ACOT6: variants seen among roughly 807,000 people sequenced by gnomAD.
The protein encoded by ACOT6 is acyl-CoA thioesterase 6.
A neutral mutation model predicts 12.3 loss-of-function variants in ACOT6; 14 were observed. That is an observed-to-expected ratio of 1.14 (90% CI 0.75 to 1.78). The LOEUF (loss-of-function observed/expected upper bound fraction) is 1.78, where lower values mean the gene tolerates loss of function less well. Among genes scored for constraint, ACOT6 ranks in the 40% most tolerant of loss-of-function variants. The pLI is 0.00. For synonymous variants in ACOT6, 218 were observed against 231.3 expected, an observed-to-expected ratio of 0.94 and a Z score of 0.52; for missense variants, 523 against 551.8, an observed-to-expected ratio of 0.95 and a Z score of 0.52.
chr14:73,612,711 G>T lies in ACOT6; in HGVS notation c.140G>T (p.Arg47Leu), dbSNP rs1437756074. ...CGCGACGAAGAGGGCGCGCTCTTCC[G>T]GGCCCACGCGCGCTACCGTGCCGAC... ...SLRDEEGALFRAHARYRADAR... is the reference protein window; with the variant it reads ...SLRDEEGALFLAHARYRADAR... Residue 47 changes from arginine (R) to leucine (L), a missense_variant, in exon 1 of 3, where the codon CGG becomes CTG. By Grantham distance (102) the Arg-to-Leu change is moderately radical. This residue lies in a region of ACOT6 where 304 missense variants were observed against 274.8 expected (regional missense o/e 1.11). Transcript: ENST00000645972. 1.4e-6 allele frequency: 2 copies of T among 1,383,986 alleles called. No homozygotes were observed. Among genetic ancestry groups the T allele is most frequent in the Middle Eastern group, 2.6e-4 (1 of 3,874 alleles). The allele number at this position is 1,383,986 out of a possible 1,614,324, so 85.7% of individuals were successfully genotyped here. A position where few individuals can be genotyped will look rare whatever the true frequency, so the allele number is the denominator to read the frequency against.
At chr14:73,616,330 A>T (rs1324383435) in intron 1 of ACOT6, among the ~76,000 whole-genome samples, 2 of 151,310 alleles carry the variant, frequency 1.3e-5, no homozygotes, top group South Asian at 2.1e-4. Context: ...TATTATTATT[A>T]TTTTTGAGAT....
chr14:73,619,888 A>G lies in ACOT6; in HGVS notation c.*49A>G, dbSNP rs1167848655. On this transcript the variant is annotated 3_prime_UTR_variant, in exon 3 of 3. Transcript: ENST00000645972. The stretch of plus-strand genomic sequence containing the variant: ...CATTAATAAAAATCCTATTCATACA[A>G]CTTGTGTTGGGTTTTCTTTCTTTCT... 1 of 1,490,250 alleles carries G rather than the reference A, an allele frequency of 6.7e-7. No individual in the cohort carries two copies. The highest frequency in any genetic ancestry group is 1.4e-5 in the African/African-American group (1 of 70,606). The allele number at this position is 1,490,250 out of a possible 1,614,324, so 92.3% of individuals were successfully genotyped here.
chr14:73,612,917 C>T lies in ACOT6; in HGVS notation c.346C>T (p.Pro116Ser). The T allele has an allele frequency of 2.2e-6, 3 of 1,353,650 alleles. No homozygotes were observed. The highest frequency in any genetic ancestry group is 2.0e-6 in the Non-Finnish European group (2 of 1,013,642). 83.9% of individuals were successfully genotyped at this position (1,353,650 alleles called of 1,614,324 possible). ...AGTGCTGGACGGCCACGACACCGAG[C>T]CCGGGCGGCTGCTGTGCCTGGCGCA... Reference protein sequence around the residue: ...LEVLDGHDTEPGRLLCLAQNK... With the variant: ...LEVLDGHDTESGRLLCLAQNK... The change falls in exon 1 of 3, where the codon CCC becomes TCC. Residue 116 changes from proline to serine, a missense_variant. Around this residue, in one of 2 missense-constraint regions of ACOT6, gnomAD observed 304 missense variants for 274.8 expected, o/e 1.11. Coordinates refer to ENST00000645972, the MANE Select transcript of ACOT6 (RefSeq NM_001365788.1).
Position 73,612,992 on chromosome 14 carries a change from G to T in ACOT6, c.421G>T (p.Ala141Ser), listed in dbSNP as rs538451558. The T allele has an allele frequency of 1.9e-6, 2 of 1,056,478 alleles. No individual in the cohort carries two copies. The highest frequency in any genetic ancestry group is 1.9e-5 in the South Asian group (1 of 53,544). The allele number at this position is 1,056,478 out of a possible 1,614,324, so 65.4% of individuals were successfully genotyped here. The change falls in exon 1 of 3, where the codon GCG becomes TCG. Residue 141 changes from alanine to serine, a missense_variant. Ala to Ser is a moderately conservative substitution (Grantham distance 99, BLOSUM62 1). Transcript: ENST00000645972. ...RPGVRREPVR[A>S]GPVRAALFLP... ...GGGGGTGCGGCGCGAGCCGGTGCGC[G>T]CGGGCCCGGTGCGCGCCGCGCTCTT...
At chr14:73,616,051 G>A (rs942760790) in intron 1 of ACOT6, among the ~76,000 whole-genome samples, 4 of 151,754 alleles carry the variant, frequency 2.6e-5, no homozygotes, top group African/African-American at 9.7e-5. Context: ...ACCACAAACT[G>A]GAACTCTTGG....
At chr14:73,618,863 G>A (rs754350529) in intron 2 of ACOT6, among the ~76,000 whole-genome samples, 10 of 152,204 alleles carry the variant, frequency 6.6e-5, no homozygotes, top group Non-Finnish European at 1.3e-4. Context: ...GGGCACGGTG[G>A]CTCATGCCTA....
chr14:73,619,107 G>A (rs1566871544), intron 2 of ACOT6, 127 bp from the exon 3 acceptor site: 4 of 1,248,616 alleles, frequency 3.2e-6, no homozygotes, highest in East Asian at 2.5e-5. Context: ...TCCAGCCTGG[G>A]TGACAGAGCG....
At chr14:73,615,676 T>C (rs1453705287) in intron 1 of ACOT6, among the ~76,000 whole-genome samples, 1 of 151,934 alleles carries the variant, frequency 6.6e-6, no homozygotes, top group Non-Finnish European at 1.5e-5. Context: ...GAGGTTGCAG[T>C]GAGCCGAGAT....
chr14:73,612,620 G>C lies in ACOT6; in HGVS notation c.49G>C (p.Glu17Gln). 7.1e-7 allele frequency: 1 copy of C among 1,415,304 alleles called. No homozygotes were observed. 87.7% of individuals were successfully genotyped at this position (1,415,304 alleles called of 1,614,324 possible). A position where few individuals can be genotyped will look rare whatever the true frequency, so the allele number is the denominator to read the frequency against. ...LEPAGRCCWDEPLRIAVRGLA... is the reference protein window; with the variant it reads ...LEPAGRCCWDQPLRIAVRGLA... ...GCCCGCGGGCCGCTGCTGCTGGGAC[G>C]AGCCGCTGCGCATCGCAGTGCGCGG... The change falls in exon 1 of 3, where the codon GAG becomes CAG. Residue 17 changes from glutamate to glutamine, a missense_variant. Glu to Gln is a conservative substitution (Grantham distance 29). Transcript: ENST00000645972.
chr14:73,612,518 G>T lies in ACOT6; in HGVS notation c.-54G>T, dbSNP rs1890460025. On this transcript the variant is annotated 5_prime_UTR_variant, in exon 1 of 3. In the 5' UTR this introduces an upstream ATG that the reference lacks. Transcript: ENST00000645972. The stretch of plus-strand genomic sequence containing the variant: ...TTTCCAGCGCTCGGCAAAGCCGCCA[G>T]GCCCGCCCACTGACTCCGCGGAGCT... 1 of 1,163,610 alleles carries T rather than the reference G, an allele frequency of 8.6e-7. No homozygotes were observed. The highest frequency in any genetic ancestry group is 2.4e-5 in the South Asian group (1 of 42,452). 72.1% of individuals were successfully genotyped at this position (1,163,610 alleles called of 1,614,324 possible). A position where few individuals can be genotyped will look rare whatever the true frequency, so the allele number is the denominator to read the frequency against.
chr14:73,614,343 C>T (rs1890497976), intron 1 of ACOT6, among the ~76,000 whole-genome samples: 1 of 152,152 alleles, frequency 6.6e-6, no homozygotes, highest in Non-Finnish European at 1.5e-5. Context: ...CTCGTGGCTG[C>T]CCACTGTACT....
At chr14:73,618,143 CA>C (rs1238047364) in intron 2 of ACOT6, among the ~76,000 whole-genome samples, 4 of 150,008 alleles carry the variant, frequency 2.7e-5, no homozygotes, top group Non-Finnish European at 4.4e-5. Flanking sequence ...AACCCCATCT[CA>C]AAAAAAAACC....
chr14:73,615,440 A>G (rs979875559), intron 1 of ACOT6, among the ~76,000 whole-genome samples: 1 of 150,608 alleles, frequency 6.6e-6, no homozygotes, highest in African/African-American at 2.4e-5. Flanking sequence ...ACAACGAAAA[A>G]AAAAACAAGA....
chr14:73,614,201 AAAC>A (rs61419847), intron 1 of ACOT6, among the ~76,000 whole-genome samples: 14 of 151,890 alleles, frequency 9.2e-5, no homozygotes, highest in East Asian at 7.7e-4. Flanking sequence ...ACCCTGCCTC[AAAC>A]AACAACAACA....
In ACOT6 at chr14:73,612,879, C is replaced by T; in HGVS notation, c.308C>T (p.Ala103Val). The T allele has an allele frequency of 7.2e-7, 1 of 1,397,894 alleles. No individual in the cohort carries two copies. The highest frequency in any genetic ancestry group is 1.3e-5 in the South Asian group (1 of 74,668). The allele number at this position is 1,397,894 out of a possible 1,614,324, so 86.6% of individuals were successfully genotyped here. The change falls in exon 1 of 3, where the codon GCC (alanine) becomes GTC (valine). Residue 103 changes from alanine to valine, a missense_variant. By Grantham distance (64) the Ala-to-Val change is moderately conservative. Transcript: ENST00000645972. ...LVKRDVRTPF[A>V]VELEVLDGHD... ...AAGCGCGACGTGCGGACGCCCTTCGCCGTGGAGCTGGAAGTGCTGGACGGC... is the reference window on the plus strand; with the variant it reads ...AAGCGCGACGTGCGGACGCCCTTCGTCGTGGAGCTGGAAGTGCTGGACGGC...
chr14:73,612,549 G>A lies in ACOT6; in HGVS notation c.-23G>A. On this transcript the variant is annotated 5_prime_UTR_variant, in exon 1 of 3. Transcript: ENST00000645972. ...CCCACTGACTCCGCGGAGCTGGGTCGCCCCTGTTCTACCCAGATTGGGATG... is the reference window on the plus strand; with the variant it reads ...CCCACTGACTCCGCGGAGCTGGGTCACCCCTGTTCTACCCAGATTGGGATG... 1 of 1,293,950 alleles carries A rather than the reference G, an allele frequency of 7.7e-7. No individual in the cohort carries two copies. 80.2% of individuals were successfully genotyped at this position (1,293,950 alleles called of 1,614,324 possible).
At chr14:73,615,137 C>T (rs1322159822) in intron 1 of ACOT6, among the ~76,000 whole-genome samples, 1 of 150,914 alleles carries the variant, frequency 6.6e-6, no homozygotes, top group South Asian at 2.1e-4. Flanking sequence ...CCTCTAATCC[C>T]GGCACTTTGG....
intron 2 of ACOT6, among the ~76,000 whole-genome samples, chr14:73,618,526 A>G (rs1890577788): frequency 6.8e-6 from 1 of 147,764 alleles, no homozygotes; most frequent in Non-Finnish European, 1.5e-5. Flanking sequence ...CCTCTCCCCT[A>G]TGTCACTTTC....
chr14:73,618,193 A>T (rs1425392792), intron 2 of ACOT6, among the ~76,000 whole-genome samples: 1 of 152,182 alleles, frequency 6.6e-6, no homozygotes, highest in Non-Finnish European at 1.5e-5. Flanking sequence ...TATAATTAAA[A>T]ATGGAATTAT....
Sources: gnomAD v4.1 joint callset for allele counts (sites outside exome capture counted in the v4.1 genomes callset) on GRCh38, gnomAD v4.1.1 for gene constraint, gnomAD v4.1.1 regional missense constraint, MANE v1.5 for transcripts, NCBI Gene and HGNC (gene_info 2026-07-23, HGNC 2026-07-21) for gene names.